Variants in TECPR2 observed in about 807,000 individuals in gnomAD.
The protein encoded by TECPR2 is tectonin beta-propeller repeat containing 2.
A neutral mutation model predicts 138.1 loss-of-function variants in TECPR2; 65 were observed. The ratio of observed to expected loss-of-function variants is 0.47; its 90% CI spans 0.39 to 0.58. The LOEUF (loss-of-function observed/expected upper bound fraction) is 0.58. TECPR2 is among the 20% of genes least tolerant of loss of function. TECPR2 has a pLI of 0.00. For missense variants in TECPR2, 1,553 were observed against 1,824.5 expected, an observed-to-expected ratio of 0.85 and a Z score of 2.71; for synonymous variants, 746 against 749.8, an observed-to-expected ratio of 0.99 and a Z score of 0.08.
intron 1 of TECPR2, among the ~76,000 whole-genome samples, chr14:102,376,101 C>T (rs1597764940): frequency 6.6e-6 from 1 of 152,158 alleles, no homozygotes; most frequent in South Asian, 2.1e-4. Flanking sequence ...GGCCAGGGCA[C>T]CTGTTCTTCA....
intron 17 of TECPR2, among the ~76,000 whole-genome samples, chr14:102,483,045 G>T (rs1890929865): frequency 6.6e-6 from 1 of 151,298 alleles, no homozygotes; most frequent in Admixed American, 6.6e-5. Context: ...TAGAGATGGG[G>T]TTTCACCGTG....
chr14:102,377,057 C>T (rs1420828793), intron 2 of TECPR2, 117 bp downstream of exon 2: 1 of 996,176 alleles, frequency 1.0e-6, no homozygotes, highest in African/African-American at 1.6e-5. Flanking sequence ...GCCTTAATAC[C>T]TCACCCAAAC....
chr14:102,474,827 G>T (rs1376299397), intron 17 of TECPR2, among the ~76,000 whole-genome samples: 1 of 152,004 alleles, frequency 6.6e-6, no homozygotes, highest in Non-Finnish European at 1.5e-5. Flanking sequence ...CTGAACCCCA[G>T]TAGGTTGTCC....
At chr14:102,388,374 A>T (rs1315028878) in intron 2 of TECPR2, among the ~76,000 whole-genome samples, 1 of 152,224 alleles carries the variant, frequency 6.6e-6, no homozygotes, top group Non-Finnish European at 1.5e-5. Context: ...CTGAATTCCA[A>T]TAGGTTTTTT....
chr14:102,406,132 T>G (rs10135045), intron 2 of TECPR2, among the ~76,000 whole-genome samples: 99,244 of 151,928 alleles, frequency 0.65, 33,133 homozygotes, highest in Middle Eastern at 0.76. Context: ...AGATTAAATA[T>G]TCGTGGAGAT....
chr14:102,427,632 G>A (rs1889357841), intron 6 of TECPR2, among the ~76,000 whole-genome samples: 1 of 152,190 alleles, frequency 6.6e-6, no homozygotes. Flanking sequence ...GATAATGCTG[G>A]AGGAACCTCC....
At chr14:102,377,261 T>G (rs1887666469) in intron 2 of TECPR2, among the ~76,000 whole-genome samples, 1 of 152,202 alleles carries the variant, frequency 6.6e-6, no homozygotes, top group Non-Finnish European at 1.5e-5. Flanking sequence ...GGTCAAGTGA[T>G]CCTTTTGCTT....
chr14:102,481,382 C>G (rs1039675260), intron 17 of TECPR2, among the ~76,000 whole-genome samples: 2 of 152,184 alleles, frequency 1.3e-5, no homozygotes, highest in Non-Finnish European at 1.5e-5. Flanking sequence ...CTCCTGACCT[C>G]AAGTGATCCA....
At chr14:102,442,523 G>C (rs1055845604) in intron 11 of TECPR2, among the ~76,000 whole-genome samples, 2 of 152,212 alleles carry the variant, frequency 1.3e-5, no homozygotes, top group African/African-American at 4.8e-5. Context: ...TTTGGTCATG[G>C]GGAAGACAGG....
chr14:102,411,014 C>CCCCTGTGACTTCCACG (rs1888834961), intron 4 of TECPR2, among the ~76,000 whole-genome samples: 1 of 152,344 alleles, frequency 6.6e-6, no homozygotes, highest in African/African-American at 2.4e-5. Flanking sequence ...CATTTAGTTT[C>CCCCTGTGACTTCCACG]TCAATTCATC....
At chr14:102,426,734 C>T (rs889031387) in intron 6 of TECPR2, among the ~76,000 whole-genome samples, 2 of 152,176 alleles carry the variant, frequency 1.3e-5, no homozygotes, top group Non-Finnish European at 2.9e-5. Context: ...TGGTGGGCGC[C>T]TGTAGTCCTG....
chr14:102,428,215 G>GTGTTT, intron 6 of TECPR2, 35 bp from the exon 7 acceptor site: 1 of 1,309,498 alleles, frequency 7.6e-7, no homozygotes, highest in Non-Finnish European at 9.9e-7. Context: ...TTAGTTTTGT[G>GTGTTT]TTTTTTGTTT....
At position 102,443,688 on chromosome 14, in the gene TECPR2, G is replaced by T; in HGVS notation, c.2794G>T (p.Asp932Tyr). 3 of 1,608,912 alleles carry T rather than the reference G, an allele frequency of 1.9e-6. No homozygotes were observed. The highest frequency in any genetic ancestry group is 2.2e-5 in the East Asian group (1 of 44,818). ...CCCTTGTGCCAGAGCCGTAAAGGTGGACTGTCCCTACCCGCTGTCCCAGAT... is the reference window on the plus strand; with the variant it reads ...CCCTTGTGCCAGAGCCGTAAAGGTGTACTGTCCCTACCCGCTGTCCCAGAT... ...DRPCARAVKV[D>Y]CPYPLSQITA... Residue 932 changes from aspartate (D) to tyrosine (Y), a missense_variant, in exon 12 of 20, where the codon GAC (aspartate) becomes TAC (tyrosine). By Grantham distance (160) the Asp-to-Tyr change is radical (BLOSUM62 -3). Coordinates refer to ENST00000359520, the MANE Select transcript of TECPR2 (RefSeq NM_014844.5). This position sits in a 1 kb window ranked among gnomAD's most constrained non-coding sequence, Gnocchi z 4.9.
intron 17 of TECPR2, 102 bp from the exon 18 acceptor site, chr14:102,496,877 T>C: frequency 6.5e-7 from 1 of 1,529,290 alleles, no homozygotes; most frequent in Non-Finnish European, 8.8e-7. Flanking sequence ...CCACACTGGC[T>C]GCTGCATGCT....
rs1471474819 is a variant in TECPR2, at chr14:102,438,123, G to A, written c.2496G>A (p.Leu832=). Residue 832 remains leucine (L), a synonymous_variant, in exon 10 of 20, where the codon CTG becomes CTA. Coordinates refer to ENST00000359520, the MANE Select transcript of TECPR2 (RefSeq NM_014844.5). ...YIWCLDYKGG[L]FCSALPGAGL... ...GGTGCCTGGACTACAAAGGCGGCCT[G>A]TTCTGCAGCGCGTTGCCGGGCGCCG... The A allele has an allele frequency of 6.2e-7, 1 of 1,614,054 alleles. No individual in the cohort carries two copies. The highest frequency in any genetic ancestry group is 8.5e-7 in the Non-Finnish European group (1 of 1,180,004).
At chr14:102,427,550 C>T (rs1217789195) in intron 6 of TECPR2, among the ~76,000 whole-genome samples, 2 of 152,212 alleles carry the variant, frequency 1.3e-5, no homozygotes, top group Non-Finnish European at 2.9e-5. Flanking sequence ...GCACTGTCTA[C>T]AGCAAAGCAA....
chr14:102,406,757 G>A (rs1013234570), intron 2 of TECPR2, among the ~76,000 whole-genome samples: 12 of 152,232 alleles, frequency 7.9e-5, no homozygotes, highest in African/African-American at 2.9e-4. Flanking sequence ...GGGAGGCTGA[G>A]GTGCGAGGAT....
chr14:102,458,958 A>AT (rs1567351411), intron 16 of TECPR2, among the ~76,000 whole-genome samples: 1 of 97,354 alleles, frequency 1.0e-5, no homozygotes, highest in African/African-American at 4.6e-5. Context: ...AAAAAAAAAA[A>AT]ATACACACAT....
chr14:102,371,572 T>C (rs1295657834), intron 1 of TECPR2, among the ~76,000 whole-genome samples: 1 of 152,216 alleles, frequency 6.6e-6, no homozygotes, highest in East Asian at 1.9e-4. Flanking sequence ...CTGACTCATC[T>C]GGGTGCTATG....
Sources: gnomAD v4.1 joint callset for allele counts (sites outside exome capture counted in the v4.1 genomes callset) on GRCh38, gnomAD v4.1.1 for gene constraint, Gnocchi (gnomAD v3.1) non-coding constraint, MANE v1.5 for transcripts, NCBI Gene and HGNC (gene_info 2026-07-23, HGNC 2026-07-21) for gene names.